Variants in GFRA1 observed in about 807,000 individuals in gnomAD.
The protein encoded by GFRA1 is GDNF family receptor alpha-1.
In GFRA1, 16 loss-of-function variants were observed where a neutral mutation model predicts 51.6. The observed-to-expected ratio is 0.31, with a 90% confidence interval of 0.21 to 0.47. The LOEUF (loss-of-function observed/expected upper bound fraction) is 0.47. GFRA1 is among the 20% of genes least tolerant of loss of function. The probability of loss-of-function intolerance (pLI) is 1.00; values close to 1 mark genes in which losing one functional copy is unlikely to be tolerated. For synonymous variants in GFRA1, 270 were observed against 241.3 expected, an observed-to-expected ratio of 1.12 and a Z score of -1.10; for missense variants, 530 against 594.3, an observed-to-expected ratio of 0.89 and a Z score of 1.13.
chr10:116,113,264 G>A (rs957335695), intron 6 of GFRA1, among the ~76,000 whole-genome samples: 1 of 150,560 alleles, frequency 6.6e-6, no homozygotes, highest in Non-Finnish European at 1.5e-5. Flanking sequence ...TGAGCTGCTC[G>A]ATGTTATTTT....
intron 9 of GFRA1, among the ~76,000 whole-genome samples, chr10:116,080,561 ACAAC>A (rs1399271411): frequency 6.6e-6 from 1 of 152,266 alleles, no homozygotes; most frequent in Non-Finnish European, 1.5e-5. Flanking sequence ...ATATTTTAAA[ACAAC>A]CAACTCTGAT....
At chr10:116,252,302 C>T (rs766736108) in intron 4 of GFRA1, among the ~76,000 whole-genome samples, 1 of 152,042 alleles carries the variant, frequency 6.6e-6, no homozygotes, top group African/African-American at 2.4e-5. Context: ...TTCTATCTAC[C>T]TCGACTGCAC....
At chr10:116,133,677 G>T (rs1589814493) in intron 5 of GFRA1, among the ~76,000 whole-genome samples, 2 of 152,332 alleles carry the variant, frequency 1.3e-5, no homozygotes, top group African/African-American at 4.8e-5. Flanking sequence ...GGTGATGAGG[G>T]ACAGAATGTA....
intron 5 of GFRA1, among the ~76,000 whole-genome samples, chr10:116,201,994 C>T (rs1003912688): frequency 3.3e-5 from 5 of 152,186 alleles, no homozygotes; most frequent in African/African-American, 7.2e-5. Context: ...TACGAACATA[C>T]GAGAAGCATG....
At chr10:116,180,965 G>T (rs944193892) in intron 5 of GFRA1, among the ~76,000 whole-genome samples, 12 of 152,168 alleles carry the variant, frequency 7.9e-5, no homozygotes, top group African/African-American at 2.9e-4. Flanking sequence ...GGGTTCAGAA[G>T]CCCAATCTTC....
At chr10:116,227,289 T>C (rs1275575272) in intron 4 of GFRA1, among the ~76,000 whole-genome samples, 1 of 152,198 alleles carries the variant, frequency 6.6e-6, no homozygotes, top group Admixed American at 6.5e-5. Context: ...TACCAAACTG[T>C]CAGGTTGCTT....
chr10:116,196,718 CTA>C lies in GFRA1; in HGVS notation c.433+14911_433+14912del, dbSNP rs577782720. The stretch of plus-strand genomic sequence containing the variant: ...TATATAATATATATTATATATAGTA[CTA>C]TATATAATATATAATACTATATATA... On this transcript the variant is annotated intron_variant, in intron 5 of 10. Coordinates refer to ENST00000355422, the MANE Select transcript of GFRA1 (RefSeq NM_005264.8). 7.1e-5 allele frequency among the ~76,000 whole-genome samples: 6 copies of C among 84,758 alleles called. 1 individual carries two copies. Among genetic ancestry groups the C allele is most frequent in the African/African-American group, 3.0e-4 (6 of 19,766 alleles). The allele number at this position is 84,758 out of a possible 152,430, so 55.6% of individuals were successfully genotyped here. A position where few individuals can be genotyped will look rare whatever the true frequency, so the allele number is the denominator to read the frequency against.
chr10:116,129,405 C>G (rs181203648), intron 5 of GFRA1, among the ~76,000 whole-genome samples: 1 of 152,172 alleles, frequency 6.6e-6, no homozygotes, highest in Admixed American at 6.5e-5. Context: ...ACTGCACTAA[C>G]AGAATACAGT....
At chr10:116,155,967 G>T (rs371507647) in intron 5 of GFRA1, among the ~76,000 whole-genome samples, 3 of 152,172 alleles carry the variant, frequency 2.0e-5, no homozygotes, top group Non-Finnish European at 4.4e-5. Flanking sequence ...AGAAGGCCAC[G>T]ATCAGCCCCG....
intron 5 of GFRA1, among the ~76,000 whole-genome samples, chr10:116,136,303 AC>A (rs1176437642): frequency 3.3e-5 from 5 of 152,226 alleles, no homozygotes; most frequent in Admixed American, 1.3e-4. Flanking sequence ...GATAATATAA[AC>A]CTAATTCATT....
intron 5 of GFRA1, among the ~76,000 whole-genome samples, chr10:116,148,826 A>C (rs1011453807): frequency 1.1e-4 from 16 of 152,250 alleles, no homozygotes; most frequent in African/African-American, 3.6e-4. Context: ...GGATGAGAGA[A>C]TGAAGAGCTG....
At chr10:116,271,882 C>G in intron 2 of GFRA1, 108 bp downstream of exon 2, 1 of 856,096 alleles carries the variant, frequency 1.2e-6, no homozygotes, top group Non-Finnish European at 2.0e-6. Context: ...CCTTCCACAT[C>G]CACCACACCC....
chr10:116,247,709 A>G (rs1320489185), intron 4 of GFRA1, among the ~76,000 whole-genome samples: 1 of 152,158 alleles, frequency 6.6e-6, no homozygotes, highest in East Asian at 1.9e-4. Flanking sequence ...CTCAGCAGAG[A>G]AGACTTCCTC....
chr10:116,270,740 TGA>T lies in GFRA1; in HGVS notation c.334+80_334+81del. The T allele has an allele frequency of 3.6e-6, 4 of 1,114,968 alleles. No homozygotes were observed. The South Asian group carries it at 5.5e-5, about 15-fold the overall frequency. The allele number at this position is 1,114,968 out of a possible 1,614,324, so 69.1% of individuals were successfully genotyped here. A position where few individuals can be genotyped will look rare whatever the true frequency, so the allele number is the denominator to read the frequency against. ...CAGCTGGGGAGAAGTGAGTGGAGGA[TGA>T]GATCAGCTGGCCCAGGGACGAAAGG... On this transcript the variant is annotated intron_variant, in intron 3 of 10. Transcript: ENST00000355422.
rs1274323040 is a variant in GFRA1, at chr10:116,069,343, C to CT, written c.1198-3718dup. The stretch of plus-strand genomic sequence containing the variant: ...AAGGTTTAGGGGAAGCTGCCTGACT[C>CT]TAAGTTGGGGGAAACACCACCACTG... On this transcript the variant is annotated intron_variant, in intron 9 of 10. Coordinates refer to ENST00000355422, the MANE Select transcript of GFRA1 (RefSeq NM_005264.8). Among the ~76,000 whole-genome samples, 5 of 152,110 alleles carry CT rather than the reference C, an allele frequency of 3.3e-5. No homozygotes were observed. The East Asian group carries it at 5.8e-4, about 18-fold the overall frequency.
At chr10:116,207,266 A>G (rs2577383) in intron 5 of GFRA1, among the ~76,000 whole-genome samples, 35,146 of 152,262 alleles carry the variant, frequency 0.23, 4,126 homozygotes, top group South Asian at 0.28. Context: ...GAGGTTTCCT[A>G]ATCACCTGTC....
intron 4 of GFRA1, among the ~76,000 whole-genome samples, chr10:116,237,397 G>A (rs1425805912): frequency 6.6e-6 from 1 of 152,156 alleles, no homozygotes; most frequent in Admixed American, 6.5e-5. Context: ...GAGGTTAAGT[G>A]TCTTGTGCAA....
intron 6 of GFRA1, among the ~76,000 whole-genome samples, chr10:116,099,045 C>T (rs908832576): frequency 6.6e-6 from 1 of 152,168 alleles, no homozygotes; most frequent in Non-Finnish European, 1.5e-5. Context: ...AACATTTCCA[C>T]GTTTTATCAC....
At chr10:116,162,587 A>G (rs761746017) in intron 5 of GFRA1, among the ~76,000 whole-genome samples, 1 of 152,218 alleles carries the variant, frequency 6.6e-6, no homozygotes, top group Non-Finnish European at 1.5e-5. Flanking sequence ...GCGTGTGCAC[A>G]TACACATGCA....
Sources: allele counts gnomAD v4.1 joint callset (sites outside exome capture counted in the v4.1 genomes callset), GRCh38; gene constraint gnomAD v4.1.1; transcripts MANE v1.5; gene names NCBI Gene and HGNC (gene_info 2026-07-23, HGNC 2026-07-21).